PDE1A: variants seen among roughly 807,000 people sequenced by gnomAD.
PDE1A encodes phosphodiesterase 1A, also known as dual specificity calcium/calmodulin-dependent 3',5'-cyclic nucleotide phosphodiesterase 1A.
PDE1A carries 35 observed loss-of-function variants against 61.7 expected under a neutral mutation model. The observed-to-expected ratio is 0.57, with a 90% CI of 0.43 to 0.75. PDE1A has a LOEUF of 0.75. Among genes scored for constraint, PDE1A ranks in the 30% least tolerant of loss-of-function variants. The pLI is 0.00. For synonymous variants in PDE1A, 232 were observed against 213.2 expected, an observed-to-expected ratio of 1.09 and a Z score of -0.77; for missense variants, 597 against 630.6, an observed-to-expected ratio of 0.95 and a Z score of 0.57.
At chr2:182,702,823 G>T in the PDE1A span, among the ~76,000 whole-genome samples, 2 of 152,182 alleles carry the variant, frequency 1.3e-5, no homozygotes, top group Non-Finnish European at 2.9e-5. Context: ...ACATTGGTAT[G>T]ATTGGGTTAA....
chr2:182,343,873 C>CTTTTT (rs11300978), intron 1 of PDE1A, among the ~76,000 whole-genome samples: 1 of 129,784 alleles, frequency 7.7e-6, no homozygotes. Flanking sequence ...TTTTCTTTTT[C>CTTTTT]TTTTTTTTTT....
intron 13 of PDE1A, among the ~76,000 whole-genome samples, chr2:182,149,030 G>GT (rs985365036): frequency 6.6e-6 from 1 of 151,774 alleles, no homozygotes. Flanking sequence ...TCAAAAATCA[G>GT]TTTTTTTCTG....
chr2:182,336,943 GTTCTGCA>G (rs1697864793), intron 1 of PDE1A, among the ~76,000 whole-genome samples: 1 of 142,642 alleles, frequency 7.0e-6, no homozygotes, highest in Non-Finnish European at 1.5e-5. Flanking sequence ...AAACCTGCAG[GTTCTGCA>G]CATGTATCCC....
chr2:182,246,401 CTTTCTTTTT>C (rs1372691663), intron 2 of PDE1A, among the ~76,000 whole-genome samples: 8 of 61,514 alleles, frequency 1.3e-4, no homozygotes, highest in East Asian at 4.3e-4. Context: ...TTTCTTTTTT[CTTTCTTTTT>C]TTTTTTTTTT....
chr2:182,197,492 G>A (rs1362109643), intron 10 of PDE1A, among the ~76,000 whole-genome samples: 1 of 150,906 alleles, frequency 6.6e-6, no homozygotes, highest in East Asian at 2.0e-4. Flanking sequence ...AGATTAGAGA[G>A]ATCTTCTCTT....
the PDE1A span, among the ~76,000 whole-genome samples, chr2:182,642,838 T>C: frequency 2.6e-5 from 4 of 152,164 alleles, no homozygotes; most frequent in Non-Finnish European, 5.9e-5. Flanking sequence ...TCCTGAAAAT[T>C]GCGTCTTCCA....
Position 182,451,364 on chromosome 2 carries a change from G to A in PDE1A, c.101+70912C>T. Among the ~76,000 whole-genome samples, 2 of 12,640 alleles carry A rather than the reference G, an allele frequency of 1.6e-4. 1 individual carries two copies. 8.3% of individuals were successfully genotyped at this position (12,640 alleles called of 152,430 possible). A position where few individuals can be genotyped will look rare whatever the true frequency, so the allele number is the denominator to read the frequency against. On this transcript the variant is annotated intron_variant, in intron 2 of 14. Transcript: ENST00000410103. ...ACTGCACTCCAGCCTGGGCGACAGA[G>A]CGAGACTCCGTCTCAAAAAAAAAAA...
intron 1 of PDE1A, among the ~76,000 whole-genome samples, chr2:182,342,479 G>A (rs833164): frequency 2.0e-5 from 3 of 152,190 alleles, no homozygotes; most frequent in Non-Finnish European, 4.4e-5. Context: ...GTCAGGAGAT[G>A]GAGACCATCC....
At chr2:182,464,065 A>G (rs1363166291) in intron 2 of PDE1A, among the ~76,000 whole-genome samples, 3 of 152,142 alleles carry the variant, frequency 2.0e-5, no homozygotes, top group South Asian at 2.1e-4. Context: ...ATGCTACTCT[A>G]TGAAAGCTCT....
At chr2:182,680,215 C>CTT in the PDE1A span, among the ~76,000 whole-genome samples, 9 of 139,924 alleles carry the variant, frequency 6.4e-5, no homozygotes, top group African/African-American at 7.8e-5. Context: ...TTATCAGCGA[C>CTT]TTTTTTTTTT....
At chr2:182,239,094 C>T (rs888916891) in intron 3 of PDE1A, among the ~76,000 whole-genome samples, 3 of 152,084 alleles carry the variant, frequency 2.0e-5, no homozygotes, top group African/African-American at 7.2e-5. Flanking sequence ...CATCTTTAAG[C>T]TTTATATTTG....
chr2:182,470,232 T>G (rs1045128426), intron 2 of PDE1A, among the ~76,000 whole-genome samples: 1 of 151,826 alleles, frequency 6.6e-6, no homozygotes, highest in Non-Finnish European at 1.5e-5. Context: ...TCAGTAAATT[T>G]AGTGAAAGAA....
At chr2:182,366,532 G>A (rs1416995279) in intron 1 of PDE1A, among the ~76,000 whole-genome samples, 1 of 151,880 alleles carries the variant, frequency 6.6e-6, no homozygotes, top group Non-Finnish European at 1.5e-5. Flanking sequence ...ATAACCTATT[G>A]TTTTTAAATT....
chr2:182,282,698 T>C (rs1302645594), intron 1 of PDE1A, among the ~76,000 whole-genome samples: 1 of 152,024 alleles, frequency 6.6e-6, no homozygotes, highest in Non-Finnish European at 1.5e-5. Flanking sequence ...ACCAAGAATT[T>C]AATTTGTTTA....
the PDE1A span, among the ~76,000 whole-genome samples, chr2:182,705,536 C>T: frequency 6.6e-6 from 1 of 151,328 alleles, no homozygotes; most frequent in Non-Finnish European, 1.5e-5. Context: ...GACGGAATCT[C>T]GCTCTGTCAC....
chr2:182,185,759 G>A, intron 13 of PDE1A, 133 bp downstream of exon 13: 1 of 1,502,764 alleles, frequency 6.7e-7, no homozygotes, highest in Non-Finnish European at 8.9e-7. Flanking sequence ...TGATCAAAGA[G>A]TAGCCAAATT....
At chr2:182,195,067 T>G (rs1686027038) in intron 10 of PDE1A, among the ~76,000 whole-genome samples, 3 of 152,044 alleles carry the variant, frequency 2.0e-5, no homozygotes, top group Non-Finnish European at 4.4e-5. Flanking sequence ...ATTCTGCAGA[T>G]CAAAAAGGAA....
chr2:182,647,983 A>C, the PDE1A span, among the ~76,000 whole-genome samples: 1 of 152,182 alleles, frequency 6.6e-6, no homozygotes, highest in African/African-American at 2.4e-5. Flanking sequence ...CATCCTTCTG[A>C]GAGACTTTCC....
chr2:182,595,965 G>C, the PDE1A span, among the ~76,000 whole-genome samples: 1 of 152,150 alleles, frequency 6.6e-6, no homozygotes, highest in African/African-American at 2.4e-5. Flanking sequence ...CAAAATCTTT[G>C]GGGTTGAGGC....
Sources: allele counts gnomAD v4.1 joint callset (sites outside exome capture counted in the v4.1 genomes callset), GRCh38; gene constraint gnomAD v4.1.1; transcripts MANE v1.5; gene names NCBI Gene and HGNC (gene_info 2026-07-23, HGNC 2026-07-21).